MYRF: variants seen among roughly 807,000 people sequenced by gnomAD.
MYRF encodes myelin gene regulatory factor.
A neutral mutation model predicts 126.3 loss-of-function variants in MYRF; 16 were observed. The ratio of observed to expected loss-of-function variants is 0.13; its 90% CI spans 0.09 to 0.19. The LOEUF is 0.19. Among genes scored for constraint, MYRF ranks in the 10% least tolerant of loss-of-function variants. The pLI, the probability that MYRF is intolerant of heterozygous loss-of-function variation, is 1.00. For synonymous variants in MYRF, 608 were observed against 635.3 expected (o/e 0.96, Z 0.65); for missense variants, 1,104 against 1,547.0 (o/e 0.71, Z 4.80).
In MYRF at chr11:61,766,000, C is replaced by T. The variant is rs1183852015; in HGVS notation, c.177C>T (p.Tyr59=). The change falls in exon 3 of 27, where the codon TAC becomes TAT. Residue 59 remains tyrosine (Y), a synonymous_variant. Transcript: ENST00000278836. ...DISAPASSAS[Y]SHGQPAMPGS... is the part of the protein sequence containing the mutation. ...CTGCTCCAGCCAGCTCGGCCTCCTA[C>T]TCCCACGGGCAGCCTGCGATGCCTG... 9.5e-6 allele frequency: 15 copies of T among 1,574,190 alleles called. 1 individual carries two copies. The South Asian group carries it at 1.5e-4, about 16-fold the overall frequency.
rs1188134059 is a variant in MYRF at position 61,776,233 on chromosome 11, A to G, written c.1389-89A>G. On this transcript the variant is annotated intron_variant, in intron 9 of 26. Transcript: ENST00000278836. The surrounding 1 kb of genome is among the most constrained non-coding windows in gnomAD (Gnocchi z 4.3). ...GGGAGGTACCCAGGGTGTCCGCCTCATGTACGTTGCTGGCCTGGGTGCCCC... is the reference window on the plus strand; with the variant it reads ...GGGAGGTACCCAGGGTGTCCGCCTCGTGTACGTTGCTGGCCTGGGTGCCCC... The G allele has an allele frequency of 6.4e-7, 1 of 1,565,144 alleles. No homozygotes were observed. The highest frequency in any genetic ancestry group is 8.8e-7 in the Non-Finnish European group (1 of 1,140,142).
chr11:61,783,139 T>C lies in MYRF; in HGVS notation c.3017-359T>C. The C allele has an allele frequency of 5.0e-6, 1 of 198,232 alleles. No homozygotes were observed. The highest frequency in any genetic ancestry group is 1.3e-4 in the East Asian group (1 of 7,904). The allele number at this position is 198,232 out of a possible 1,614,324, so 12.3% of individuals were successfully genotyped here. On this transcript the variant is annotated intron_variant, in intron 22 of 26. Coordinates refer to ENST00000278836, the MANE Select transcript of MYRF (RefSeq NM_001127392.3). The surrounding 1 kb of genome is among the most constrained non-coding windows in gnomAD (Gnocchi z 4.6). ...TGTGTGATGCTGTCAACACTGCTGA[T>C]TTCAAGCTACCAGTGTAACTGATGT...
chr11:61,766,192 G>T lies in MYRF; in HGVS notation c.369G>T (p.Lys123Asn). 1 of 1,610,324 alleles carries T rather than the reference G, an allele frequency of 6.2e-7. No individual in the cohort carries two copies. Among genetic ancestry groups the T allele is most frequent in the African/African-American group, 1.3e-5 (1 of 74,906 alleles). Residue 123 changes from lysine to asparagine, a missense_variant, in exon 3 of 27, where the codon AAG becomes AAT. Around this residue, in one of 10 missense-constraint regions of MYRF, gnomAD observed 368 missense variants for 403.9 expected, o/e 0.91. Transcript: ENST00000278836. ...PFPGGTGPPI[K>N]AEPKAPYAPG... ...CGGGGGGCACCGGGCCCCCCATCAA[G>T]GCTGAGCCCAAGGCTCCCTATGCCC...
chr11:61,762,459 C>T (rs114453759), intron 1 of MYRF, among the ~76,000 whole-genome samples: 3 of 152,200 alleles, frequency 2.0e-5, no homozygotes, highest in Non-Finnish European at 2.9e-5. Flanking sequence ...AGGATCAGAA[C>T]GAGCCATATG....
rs777844570 is a variant in MYRF at position 61,782,014 on chromosome 11, A to G, written c.3016+190A>G. 4.9e-5 allele frequency: 28 copies of G among 572,882 alleles called. 1 individual carries two copies. The highest frequency in any genetic ancestry group is 6.1e-5 in the Non-Finnish European group (22 of 361,376). The allele number at this position is 572,882 out of a possible 1,614,324, so 35.5% of individuals were successfully genotyped here. A position where few individuals can be genotyped will look rare whatever the true frequency, so the allele number is the denominator to read the frequency against. On this transcript the variant is annotated intron_variant, in intron 22 of 26. Coordinates refer to ENST00000278836, the MANE Select transcript of MYRF (RefSeq NM_001127392.3). ...GATCATCCCATTTAGTCCTCACAGC[A>G]CTCCTGCAAGAAAGGAATTGTTGTT... is the stretch of plus-strand genomic sequence containing the variant.
chr11:61,754,394 C>T (rs962804147), intron 1 of MYRF: 2 of 152,476 alleles, frequency 1.3e-5, no homozygotes, highest in South Asian at 2.1e-4. Flanking sequence ...TGGCTCTCCC[C>T]AGACACTGTT....
In MYRF at chr11:61,779,567, C is replaced by G; in HGVS notation, c.2244C>G (p.Ser748Arg). 1 of 1,500,518 alleles carries G rather than the reference C, an allele frequency of 6.7e-7. No homozygotes were observed. Among genetic ancestry groups the G allele is most frequent in the Non-Finnish European group, 8.9e-7 (1 of 1,125,140 alleles). The allele number at this position is 1,500,518 out of a possible 1,614,324, so 93.0% of individuals were successfully genotyped here. The change falls in exon 16 of 27, where the codon AGC (serine) becomes AGG (arginine). Residue 748 changes from serine to arginine, a missense_variant. Transcript: ENST00000278836. ...PHKKRPPKVA[S>R]KSSSVVPDQA... ...AGAAGAGGCCCCCCAAGGTGGCCAG[C>G]AAGGTAGGGGTGAGCAGGGATGGCA...
Position 61,777,855 on chromosome 11 carries a change from G to T in MYRF, c.1903+10G>T. ...ACCGCGCCAGAGACAGGTAGGGACCGGGCTGGTGCGGACTGGGGTCCGGAA... is the reference window on the plus strand; with the variant it reads ...ACCGCGCCAGAGACAGGTAGGGACCTGGCTGGTGCGGACTGGGGTCCGGAA... On this transcript the variant is annotated intron_variant, in intron 13 of 26. Coordinates refer to ENST00000278836, the MANE Select transcript of MYRF (RefSeq NM_001127392.3). This position sits in a 1 kb window ranked among gnomAD's most constrained non-coding sequence, Gnocchi z 8.8. The T allele has an allele frequency of 1.9e-6, 3 of 1,549,614 alleles. No homozygotes were observed. Among genetic ancestry groups the T allele is most frequent in the South Asian group, 1.2e-5 (1 of 84,016 alleles).
intron 1 of MYRF, chr11:61,755,716 T>TCC (rs2065733181): frequency 1.5e-6 from 1 of 672,378 alleles, no homozygotes; most frequent in Non-Finnish European, 2.7e-6. Flanking sequence ...AGAGACATGT[T>TCC]AGAGTATGAA....
intron 24 of MYRF, 149 bp downstream of exon 24, chr11:61,784,074 G>T: frequency 1.9e-6 from 2 of 1,067,350 alleles, no homozygotes; most frequent in Non-Finnish European, 2.7e-6. Flanking sequence ...TGCCTACTTC[G>T]TGGTTAACTG....
chr11:61,778,349 C>G lies in MYRF; in HGVS notation c.1904-31C>G. 1.4e-6 allele frequency: 2 copies of G among 1,438,720 alleles called. No individual in the cohort carries two copies. The highest frequency in any genetic ancestry group is 2.0e-6 in the Non-Finnish European group (2 of 1,020,462). The allele number at this position is 1,438,720 out of a possible 1,614,324, so 89.1% of individuals were successfully genotyped here. A position where few individuals can be genotyped will look rare whatever the true frequency, so the allele number is the denominator to read the frequency against. ...TGTGAGTAGCCCTTTACCACCCCCC[C>G]ACCCATCTTTGGCTTGTCCCCTGCC... On this transcript the variant is annotated intron_variant, in intron 13 of 26. Transcript: ENST00000278836. This position sits in a 1 kb window ranked among gnomAD's most constrained non-coding sequence, Gnocchi z 4.6.
chr11:61,767,787 G>T (rs537428975), intron 3 of MYRF, among the ~76,000 whole-genome samples: 34 of 132,260 alleles, frequency 2.6e-4, no homozygotes, highest in Non-Finnish European at 3.8e-4. Context: ...TCATGCCACT[G>T]CTAGGGACAG....
At chr11:61,766,462 G>GT (rs932180323) in intron 3 of MYRF, 1 of 489,498 alleles carries the variant, frequency 2.0e-6, no homozygotes, top group African/African-American at 1.9e-5. Context: ...GAGGGCTGAC[G>GT]TAAGTGCTAG....
At chr11:61,758,974 G>C (rs1438592948) in intron 1 of MYRF, among the ~76,000 whole-genome samples, 1 of 152,274 alleles carries the variant, frequency 6.6e-6, no homozygotes, top group Non-Finnish European at 1.5e-5. Flanking sequence ...GTGTATGTGT[G>C]AGTAGGGGGC....
At chr11:61,784,736 A>G in intron 25 of MYRF, 1 of 223,960 alleles carries the variant, frequency 4.5e-6, no homozygotes, top group Non-Finnish European at 8.9e-6. Context: ...AGAAGCAGGA[A>G]GGAGCCGACC....
chr11:61,763,940 T>C (rs1016195335), intron 1 of MYRF, among the ~76,000 whole-genome samples: 1 of 152,092 alleles, frequency 6.6e-6, no homozygotes, highest in African/African-American at 2.4e-5. Context: ...TGGCACACAG[T>C]AGGCACTCAG....
intron 1 of MYRF, among the ~76,000 whole-genome samples, chr11:61,758,196 G>GC (rs1406356097): frequency 6.6e-6 from 1 of 152,152 alleles, no homozygotes; most frequent in Non-Finnish European, 1.5e-5. Flanking sequence ...TCCTCCCTGT[G>GC]CCCCAGGTCG....
chr11:61,774,085 G>A lies in MYRF; in HGVS notation c.1234G>A (p.Gly412Ser). The change falls in exon 8 of 27, where the codon GGC becomes AGC. Residue 412 changes from glycine (G) to serine (S), a missense_variant. Physicochemically the swap from Gly to Ser is moderately conservative, Grantham distance 56. This residue lies in a region of MYRF where 36 missense variants were observed against 47.5 expected (regional missense o/e 0.76). Coordinates refer to ENST00000278836, the MANE Select transcript of MYRF (RefSeq NM_001127392.3). Reference protein sequence around the residue: ...FQVTVYIGMLGEPKYVKTPEG... With the variant: ...FQVTVYIGMLSEPKYVKTPEG... ...GGTGACAGTGTACATCGGCATGCTG[G>A]GCGAGCCCAAGTACGTCAAGACGCC... 1.2e-6 allele frequency: 2 copies of A among 1,613,950 alleles called. No individual in the cohort carries two copies. The highest frequency in any genetic ancestry group is 2.7e-5 in the African/African-American group (2 of 75,062).
intron 1 of MYRF, among the ~76,000 whole-genome samples, chr11:61,763,149 G>A (rs887824072): frequency 2.6e-5 from 4 of 152,070 alleles, no homozygotes; most frequent in South Asian, 2.1e-4. Context: ...GGGTGGGGGC[G>A]ACGCTCCAGG....
Sources: allele counts gnomAD v4.1 joint callset (sites outside exome capture counted in the v4.1 genomes callset), GRCh38; gene constraint gnomAD v4.1.1; regional missense constraint gnomAD v4.1.1; non-coding constraint Gnocchi (gnomAD v3.1); transcripts MANE v1.5; gene names NCBI Gene and HGNC (gene_info 2026-07-23, HGNC 2026-07-21).